The following SLC35B2 variants were observed in gnomAD, a reference collection of about 807,000 sequenced individuals.
SLC35B2 encodes the protein adenosine 3'-phospho 5'-phosphosulfate transporter 1.
A neutral mutation model predicts 37.9 loss-of-function variants in SLC35B2; 19 were observed. The observed-to-expected ratio is 0.50, with a 90% confidence interval of 0.35 to 0.74. The LOEUF (loss-of-function observed/expected upper bound fraction) is 0.74, where lower values mean the gene tolerates loss of function less well. Ranked by LOEUF, SLC35B2 falls within the 30% of genes least tolerant of loss-of-function variation. The pLI is 0.01. For missense variants in SLC35B2, 633 were observed against 547.6 expected (o/e 1.16, Z -1.56); for synonymous variants, 277 against 225.2 (o/e 1.23, Z -2.06).
intron 1 of SLC35B2, 33 bp downstream of exon 1, chr6:44,257,367 G>A: frequency 7.5e-7 from 1 of 1,324,634 alleles, no homozygotes; most frequent in East Asian, 3.1e-5. Flanking sequence ...CGGGGGCTCG[G>A]TCACGTGAGC....
intron 2 of SLC35B2, 69 bp downstream of exon 2, chr6:44,256,616 C>G: frequency 6.2e-7 from 1 of 1,610,916 alleles, no homozygotes; most frequent in Non-Finnish European, 8.5e-7. Flanking sequence ...AAGTCATATC[C>G]CGTTTGGACT....
rs199897344 is a variant in SLC35B2, at chr6:44,256,812, G to T, written c.78C>A (p.Ala26=). Reference sequence around the variant, plus strand: ...ATAGCTGGGTCCATGACTCCGGAGGGGCTTCGGGAGTCTCCCCACCTGCCC... The same window carrying T: ...ATAGCTGGGTCCATGACTCCGGAGGTGCTTCGGGAGTCTCCCCACCTGCCC... ...SLGAGGETPE[A]PPESWTQLWF... Residue 26 remains alanine, a synonymous_variant, in exon 2 of 4, where the codon GCC becomes GCA. Coordinates refer to ENST00000393812, the MANE Select transcript of SLC35B2 (RefSeq NM_178148.4). The T allele has an allele frequency of 6.2e-7, 1 of 1,613,928 alleles. No homozygotes were observed. Among genetic ancestry groups the T allele is most frequent in the South Asian group, 1.1e-5 (1 of 91,080 alleles).
chr6:44,256,206 G>A (rs1367419051), intron 3 of SLC35B2, 136 bp downstream of exon 3: 2 of 1,093,794 alleles, frequency 1.8e-6, no homozygotes, highest in South Asian at 3.1e-5. Context: ...AAAGATGGAG[G>A]TGCAGTGTGC....
chr6:44,256,187 A>C (rs367737445), intron 3 of SLC35B2, among the ~76,000 whole-genome samples, 155 bp downstream of exon 3: 1 of 152,244 alleles, frequency 6.6e-6, no homozygotes, highest in African/African-American at 2.4e-5. Flanking sequence ...CATTTCCCCC[A>C]AACACCTCAA....
At position 44,255,606 on chromosome 6, in the gene SLC35B2, C is replaced by G; in HGVS notation, c.399G>C (p.Val133=). 6.2e-7 allele frequency: 1 copy of G among 1,614,080 alleles called. No individual in the cohort carries two copies. Among genetic ancestry groups the G allele is most frequent in the Non-Finnish European group, 8.5e-7 (1 of 1,179,996 alleles). ...CTGTGGCCCCATAGCTGCGGGTCAT[C>G]ACTCTTTCCTGCAGCACACCCCAAG... is the stretch of plus-strand genomic sequence containing the variant. ...YLTWGVLQER[V]MTRSYGATAT... is the part of the protein sequence containing the mutation. Residue 133 remains valine (V), a synonymous_variant, in exon 4 of 4, where the codon GTG becomes GTC. Coordinates refer to ENST00000393812, the MANE Select transcript of SLC35B2 (RefSeq NM_178148.4).
rs1781129944 is a variant in SLC35B2 at position 44,254,363 on chromosome 6, A to G, written c.*343T>C. 3.8e-6 allele frequency: 1 copy of G among 264,554 alleles called. No individual in the cohort carries two copies. The highest frequency in any genetic ancestry group is 7.3e-6 in the Non-Finnish European group (1 of 136,416). 16.4% of individuals were successfully genotyped at this position (264,554 alleles called of 1,614,324 possible). A position where few individuals can be genotyped will look rare whatever the true frequency, so the allele number is the denominator to read the frequency against. ...ATGCAGGTATTTGCAGAGGGGAGTG[A>G]GTCTGGAAGGTGGCAGAGCACAGCT... is the stretch of plus-strand genomic sequence containing the variant. On this transcript the variant is annotated 3_prime_UTR_variant, in exon 4 of 4. Coordinates refer to ENST00000393812, the MANE Select transcript of SLC35B2 (RefSeq NM_178148.4).
chr6:44,256,506 GCA>G lies in SLC35B2; in HGVS notation c.206-12_206-11del, dbSNP rs775117441. The G allele has an allele frequency of 5.3e-5, 86 of 1,613,994 alleles. No homozygotes were observed. Among genetic ancestry groups the G allele is most frequent in the Middle Eastern group, 3.3e-4 (2 of 6,084 alleles). On this transcript the variant is annotated splice_polypyrimidine_tract_variant and intron_variant, in intron 2 of 3. Coordinates refer to ENST00000393812, the MANE Select transcript of SLC35B2 (RefSeq NM_178148.4). ...AAGCAGAGGCCCCTACCTGAAGAAAGCACACAAAGTCAAGCCCCAAATCTTCT... is the reference window on the plus strand; with the variant it reads ...AAGCAGAGGCCCCTACCTGAAGAAAGCACAAAGTCAAGCCCCAAATCTTCT...
chr6:44,254,210 G>T lies in SLC35B2; in HGVS notation c.*496C>A, dbSNP rs150712435. 1 of 202,994 alleles carries T rather than the reference G, an allele frequency of 4.9e-6. No individual in the cohort carries two copies. Among genetic ancestry groups the T allele is most frequent in the East Asian group, 1.3e-4 (1 of 7,612 alleles). The allele number at this position is 202,994 out of a possible 1,614,324, so 12.6% of individuals were successfully genotyped here. A position where few individuals can be genotyped will look rare whatever the true frequency, so the allele number is the denominator to read the frequency against. ...CATGGAACAGAGCCTAGGGATCCAG[G>T]AGCATAGGAGGTGGTGGTGCTGGGC... On this transcript the variant is annotated 3_prime_UTR_variant, in exon 4 of 4. Coordinates refer to ENST00000393812, the MANE Select transcript of SLC35B2 (RefSeq NM_178148.4).
Position 44,256,856 on chromosome 6 carries a change from C to A in SLC35B2, c.34G>T (p.Ala12Ser). ...DARWWAVVVL[A>S]AFPSLGAGGE... ...CCTGCCCCTAGGGAGGGGAACGCAG[C>A]CAGCACCACCACTGCCCACCATCTG... Residue 12 changes from alanine to serine, a missense_variant, in exon 2 of 4, where the codon GCT becomes TCT. By Grantham distance (99) the Ala-to-Ser change is moderately conservative (BLOSUM62 1). Coordinates refer to ENST00000393812, the MANE Select transcript of SLC35B2 (RefSeq NM_178148.4). The A allele has an allele frequency of 6.2e-7, 1 of 1,610,030 alleles. No individual in the cohort carries two copies. The highest frequency in any genetic ancestry group is 8.5e-7 in the Non-Finnish European group (1 of 1,178,206).
chr6:44,257,067 G>T, intron 1 of SLC35B2, 189 bp from the exon 2 acceptor site: 1 of 678,956 alleles, frequency 1.5e-6, no homozygotes, highest in East Asian at 2.9e-5. Context: ...GCCAGGCAGA[G>T]CTTCCTCCCT....
rs755452614 is a variant in SLC35B2 at position 44,255,307 on chromosome 6, C to T, written c.698G>A (p.Arg233His). The T allele has an allele frequency of 4.0e-5, 65 of 1,614,130 alleles. No homozygotes were observed. Among genetic ancestry groups the T allele is most frequent in the Non-Finnish European group, 4.9e-5 (58 of 1,180,052 alleles). ...VMLMGKLVSR[R>H]SYEHWEYLTA... is the part of the protein sequence containing the mutation. ...CAGGTACTCCCAGTGTTCGTAGCTG[C>T]GCCGAGACACAAGCTTTCCCATCAG... The change falls in exon 4 of 4, where the codon CGC becomes CAC. Residue 233 changes from arginine (R) to histidine (H), a missense_variant. By Grantham distance (29) the Arg-to-His change is conservative. Transcript: ENST00000393812.
Position 44,254,646 on chromosome 6 carries a change from C to G in SLC35B2, c.*60G>C. 1 of 1,534,254 alleles carries G rather than the reference C, an allele frequency of 6.5e-7. No homozygotes were observed. The highest frequency in any genetic ancestry group is 2.3e-5 in the East Asian group (1 of 44,280). On this transcript the variant is annotated 3_prime_UTR_variant, in exon 4 of 4. Coordinates refer to ENST00000393812, the MANE Select transcript of SLC35B2 (RefSeq NM_178148.4). ...TTTCAGCCAGCTCCCTCAGAGGTTA[C>G]AGCAGAAGGGGATGGTGGGAGGGTC...
rs747566356 is a variant in SLC35B2 at position 44,256,770 on chromosome 6, C to T, written c.120G>A (p.Val40=). ...AGCTGGCATAGCCAGCAGCATTCAC[C>T]ACAAATCGGAAGAACCATAGCTGGG... ...SWTQLWFFRF[V]VNAAGYASFM... is the part of the protein sequence containing the mutation. Residue 40 remains valine, a synonymous_variant, in exon 2 of 4, where the codon GTG becomes GTA. Transcript: ENST00000393812. 3 of 1,614,090 alleles carry T rather than the reference C, an allele frequency of 1.9e-6. No homozygotes were observed. In the African/African-American group the frequency reaches 4.0e-5, roughly 22 times the overall value.
At position 44,255,061 on chromosome 6, in the gene SLC35B2, A is replaced by C; in HGVS notation, c.944T>G (p.Val315Gly). The C allele has an allele frequency of 1.2e-6, 2 of 1,614,234 alleles. No individual in the cohort carries two copies. Among genetic ancestry groups the C allele is most frequent in the Non-Finnish European group, 8.5e-7 (1 of 1,180,042 alleles). The change falls in exon 4 of 4, where the codon GTG becomes GGG. Residue 315 changes from valine (V) to glycine (G), a missense_variant. Transcript: ENST00000393812. ...GGCCCCCTGTTCTAGCAGTGAGCCC[A>C]CTGTGAAGAGGCAGGAGAAGAAATT... is the stretch of plus-strand genomic sequence containing the variant. ...GVNFFSCLFT[V>G]GSLLEQGALL...
intron 1 of SLC35B2, 124 bp downstream of exon 1, chr6:44,257,276 C>A: frequency 8.9e-7 from 1 of 1,125,926 alleles, no homozygotes; most frequent in Non-Finnish European, 1.2e-6. Flanking sequence ...CCGCTGGCTC[C>A]GGGCAGCGAT....
At position 44,255,453 on chromosome 6, in the gene SLC35B2, G is replaced by A; in HGVS notation, c.552C>T (p.Tyr184=). 1 of 1,614,230 alleles carries A rather than the reference G, an allele frequency of 6.2e-7. No homozygotes were observed. Among genetic ancestry groups the A allele is most frequent in the African/African-American group, 1.3e-5 (1 of 75,060 alleles). ...TGGACAGGCTGGCAAAGGAGTACCG[G>A]TACATGGGTGCCCCATGCCGGGGCT... ...CKQPRHGAPM[Y]RYSFASLSNV... Residue 184 remains tyrosine, a synonymous_variant, in exon 4 of 4, where the codon TAC becomes TAT. Coordinates refer to ENST00000393812, the MANE Select transcript of SLC35B2 (RefSeq NM_178148.4).
chr6:44,256,661 C>A (rs1210732117), intron 2 of SLC35B2, 24 bp downstream of exon 2: 6 of 1,613,748 alleles, frequency 3.7e-6, no homozygotes, highest in Non-Finnish European at 3.4e-6. Flanking sequence ...ACCTAGCTCA[C>A]TTCCCCGCCC....
Position 44,254,998 on chromosome 6 carries a change from TCA to T in SLC35B2, c.1005_1006del (p.Ser335ArgfsTer91). 6.2e-7 allele frequency: 1 copy of T among 1,614,120 alleles called. No homozygotes were observed. Among genetic ancestry groups the T allele is most frequent in the Non-Finnish European group, 8.5e-7 (1 of 1,180,004 alleles). ...GAGTAGCAGGGCATGGGCAGCAAAC[TCA>T]CTGTGTCGCCCCATGAAGCGGGTTC... On this transcript the variant is annotated frameshift_variant, in exon 4 of 4. Transcript: ENST00000393812. LOFTEE classifies it high-confidence loss of function.
Position 44,255,396 on chromosome 6 carries a change from A to G in SLC35B2, c.609T>C (p.Ala203=). 1 of 1,614,192 alleles carries G rather than the reference A, an allele frequency of 6.2e-7. No homozygotes were observed. The highest frequency in any genetic ancestry group is 8.5e-7 in the Non-Finnish European group (1 of 1,180,034). The change falls in exon 4 of 4, where the codon GCT becomes GCC. Residue 203 remains alanine, a synonymous_variant. Transcript: ENST00000393812. ...NVLSSWCQYE[A]LKFVSFPTQV... is the part of the protein sequence containing the mutation. The stretch of plus-strand genomic sequence containing the variant: ...GGGTGGGGAAGCTGACGAACTTAAG[A>G]GCTTCGTATTGGCACCAGCTGCTAA...
Sources: allele counts gnomAD v4.1 joint callset (sites outside exome capture counted in the v4.1 genomes callset), GRCh38; gene constraint gnomAD v4.1.1; transcripts MANE v1.5; gene names NCBI Gene and HGNC (gene_info 2026-07-23, HGNC 2026-07-21).